Variants in CSMD1 observed in about 807,000 individuals in gnomAD.
CSMD1 encodes CUB and sushi domain-containing protein 1.
In CSMD1, 213 loss-of-function variants were observed where a neutral mutation model predicts 417.5. The observed-to-expected ratio is 0.51, with a 90% CI of 0.46 to 0.57. The LOEUF (loss-of-function observed/expected upper bound fraction) is 0.57. CSMD1 is among the 20% of genes least tolerant of loss of function. The pLI is 0.00. For missense variants in CSMD1, 6,923 were observed against 4,529.7 expected (o/e 1.53, Z -15.17); for synonymous variants, 2,862 against 1,736.8 (o/e 1.65, Z -16.11).
At position 4,137,574 on chromosome 8, in the gene CSMD1, T is replaced by C. The variant is rs914180817; in HGVS notation, c.416-105475A>G. ...TTTCTTTGATGGTTACAAGATTTGATGTTAATGGAACTGGTTGGTTTGTAA... is the reference window on the plus strand; with the variant it reads ...TTTCTTTGATGGTTACAAGATTTGACGTTAATGGAACTGGTTGGTTTGTAA... On this transcript the variant is annotated intron_variant, in intron 3 of 69. Transcript: ENST00000635120. 8.3e-5 allele frequency among the ~76,000 whole-genome samples: 11 copies of C among 131,840 alleles called. 2 individuals carry two copies. The highest frequency in any genetic ancestry group is 1.4e-4 in the Non-Finnish European group (8 of 56,742). The allele number at this position is 131,840 out of a possible 152,430, so 86.5% of individuals were successfully genotyped here.
chr8:3,558,100 AATG>A (rs1349110041), intron 10 of CSMD1, among the ~76,000 whole-genome samples: 1 of 150,310 alleles, frequency 6.7e-6, no homozygotes, highest in African/African-American at 2.5e-5. Context: ...CGACTCCTCC[AATG>A]ATGAATGGTG....
intron 1 of CSMD1, among the ~76,000 whole-genome samples, chr8:4,666,959 T>A (rs1183035612): frequency 1.3e-5 from 2 of 152,170 alleles, no homozygotes; most frequent in Non-Finnish European, 2.9e-5. Flanking sequence ...TTATAAAATT[T>A]TTATGTAATT....
chr8:4,019,775 G>C (rs1050228089), intron 4 of CSMD1, among the ~76,000 whole-genome samples: 8 of 152,078 alleles, frequency 5.3e-5, no homozygotes, highest in African/African-American at 1.4e-4. Flanking sequence ...CCAAGTGGTG[G>C]TGTGTAAAAT....
intron 5 of CSMD1, among the ~76,000 whole-genome samples, chr8:3,834,677 C>T (rs982635668): frequency 6.6e-6 from 1 of 151,940 alleles, no homozygotes; most frequent in Non-Finnish European, 1.5e-5. Flanking sequence ...TAGGGATCCA[C>T]AGAACGTGTA....
intron 26 of CSMD1, among the ~76,000 whole-genome samples, chr8:3,276,042 T>A (rs1802263625): frequency 2.6e-5 from 4 of 152,350 alleles, no homozygotes; most frequent in Admixed American, 2.0e-4. Context: ...GCTCTGTTTT[T>A]TCCCCATCTT....
Position 4,568,707 on chromosome 8 carries a change from C to CAATGGTTGA in CSMD1, c.302+68626_302+68634dup, listed in dbSNP as rs1798737996. 2.0e-5 allele frequency among the ~76,000 whole-genome samples: 3 copies of CAATGGTTGA among 152,166 alleles called. No individual in the cohort carries two copies. The South Asian group carries it at 6.2e-4, about 32-fold the overall frequency. On this transcript the variant is annotated intron_variant, in intron 2 of 69. Transcript: ENST00000635120. ...TTAGGAATTGCCACACTGTCTTCCACAATGGTTGAACTAATTTACACTCCC... is the reference window on the plus strand; with the variant it reads ...TTAGGAATTGCCACACTGTCTTCCACAATGGTTGAAATGGTTGAACTAATTTACACTCCC...
chr8:4,817,492 G>A (rs1376380585), intron 1 of CSMD1, among the ~76,000 whole-genome samples: 1 of 152,224 alleles, frequency 6.6e-6, no homozygotes, highest in African/African-American at 2.4e-5. Flanking sequence ...CACGTCCAAT[G>A]ATCCAGTTCT....
chr8:4,400,148 T>C (rs1396071742), intron 3 of CSMD1, among the ~76,000 whole-genome samples: 4 of 152,208 alleles, frequency 2.6e-5, no homozygotes, highest in African/African-American at 4.8e-5. Context: ...TGGGAAAATA[T>C]AGCTGTGGTT....
At chr8:3,279,379 T>C (rs968992753) in intron 26 of CSMD1, among the ~76,000 whole-genome samples, 1 of 152,194 alleles carries the variant, frequency 6.6e-6, no homozygotes, top group African/African-American at 2.4e-5. Flanking sequence ...CTCGAATGCA[T>C]GGGAGCTAGA....
chr8:3,364,393 G>C (rs1350282372), intron 20 of CSMD1, among the ~76,000 whole-genome samples: 1 of 152,114 alleles, frequency 6.6e-6, no homozygotes, highest in East Asian at 1.9e-4. Context: ...ATTTTCTACT[G>C]GTTATGTTTA....
chr8:4,044,832 C>G (rs1365522050), intron 3 of CSMD1, among the ~76,000 whole-genome samples: 4 of 152,218 alleles, frequency 2.6e-5, no homozygotes, highest in African/African-American at 9.6e-5. Context: ...ATGAGTAGCA[C>G]CCCAGGCTTG....
intron 3 of CSMD1, among the ~76,000 whole-genome samples, chr8:4,345,156 G>A (rs1292118117): frequency 6.6e-6 from 1 of 152,118 alleles, no homozygotes; most frequent in African/African-American, 2.4e-5. Flanking sequence ...GCAGAAAACA[G>A]TGGAAACAGA....
rs118154857 is a variant in CSMD1, at chr8:4,946,924, G to C, written c.85+47408C>G. ...TTTCTTTTAGAAAGACAGAGCATAT[G>C]TACATACGTATTTTAATATTTCACT... On this transcript the variant is annotated intron_variant, in intron 1 of 69. Transcript: ENST00000635120. 8.0e-4 allele frequency among the ~76,000 whole-genome samples: 122 copies of C among 152,278 alleles called. 2 individuals are homozygous for C. In the East Asian group the frequency reaches 8.7e-3, roughly 11 times the overall value.
chr8:3,786,595 T>C (rs756798725), intron 5 of CSMD1, among the ~76,000 whole-genome samples: 1 of 152,156 alleles, frequency 6.6e-6, no homozygotes, highest in Non-Finnish European at 1.5e-5. Context: ...AAAATCGCTG[T>C]TGGGCTCTCT....
chr8:4,903,655 A>T (rs566830736), intron 1 of CSMD1, among the ~76,000 whole-genome samples: 1 of 152,210 alleles, frequency 6.6e-6, no homozygotes, highest in African/African-American at 2.4e-5. Context: ...TCTTTGAAGC[A>T]AGTTATTCAG....
intron 41 of CSMD1, among the ~76,000 whole-genome samples, chr8:3,135,346 C>T (rs572164375): frequency 6.6e-6 from 1 of 152,338 alleles, no homozygotes; most frequent in South Asian, 2.1e-4. Flanking sequence ...TATCACTGTT[C>T]CATGGCATAT....
At chr8:3,288,480 T>C (rs773793626) in intron 25 of CSMD1, among the ~76,000 whole-genome samples, 2 of 147,232 alleles carry the variant, frequency 1.4e-5, no homozygotes, top group Admixed American at 6.7e-5. Context: ...TTTCAGACCC[T>C]GTTATTGGTC....
intron 1 of CSMD1, among the ~76,000 whole-genome samples, chr8:4,862,807 T>G (rs1225724993): frequency 6.6e-6 from 1 of 151,964 alleles, no homozygotes; most frequent in Non-Finnish European, 1.5e-5. Flanking sequence ...CTAAAGGGAT[T>G]TGGGGTAGCT....
chr8:3,525,931 A>G (rs957225021), intron 10 of CSMD1, among the ~76,000 whole-genome samples: 2 of 152,196 alleles, frequency 1.3e-5, no homozygotes, highest in African/African-American at 2.4e-5. Flanking sequence ...ATCGTATTAC[A>G]TGCATTGTTC....
Sources: gnomAD v4.1 joint callset for allele counts (sites outside exome capture counted in the v4.1 genomes callset) on GRCh38, gnomAD v4.1.1 for gene constraint, MANE v1.5 for transcripts, NCBI Gene and HGNC (gene_info 2026-07-23, HGNC 2026-07-21) for gene names.